The following TANC2 variants were observed in gnomAD, a reference collection of about 807,000 sequenced individuals.
TANC2 encodes the protein protein TANC2.
Under a neutral mutation model 210.5 loss-of-function variants are expected in TANC2, and 26 were observed. The ratio of observed to expected loss-of-function variants is 0.12; its 90% confidence interval spans 0.09 to 0.17. The LOEUF is 0.17. Ranked by LOEUF, TANC2 falls within the 10% of genes least tolerant of loss-of-function variation. The pLI is 1.00. For missense variants in TANC2, 2,129 were observed against 2,608.9 expected (o/e 0.82, Z 4.01); for synonymous variants, 931 against 967.1 (o/e 0.96, Z 0.69).
chr17:63,309,971 A>G (rs75687963), intron 9 of TANC2, among the ~76,000 whole-genome samples: 4 of 29,302 alleles, frequency 1.4e-4, no homozygotes, highest in African/African-American at 1.0e-3. Flanking sequence ...CCTTTGGGGG[A>G]AAAAAAAAAG....
At chr17:63,314,282 A>G in intron 9 of TANC2, 106 bp from the exon 10 acceptor site, 1 of 1,251,594 alleles carries the variant, frequency 8.0e-7, no homozygotes, top group Non-Finnish European at 1.1e-6. Context: ...CTAGGATGCC[A>G]TCATATGATA....
intron 1 of TANC2, among the ~76,000 whole-genome samples, chr17:63,002,501 A>T (rs1012262561): frequency 2.6e-5 from 4 of 152,200 alleles, no homozygotes; most frequent in African/African-American, 9.6e-5. Context: ...ATCTGCAGAC[A>T]TCTATATGCT....
chr17:63,420,046 G>A lies in TANC2; in HGVS notation c.4316G>A (p.Cys1439Tyr). 6.4e-7 allele frequency: 1 copy of A among 1,552,008 alleles called. No homozygotes were observed. The highest frequency in any genetic ancestry group is 8.7e-7 in the Non-Finnish European group (1 of 1,146,954). The change falls in exon 28 of 28, where the codon TGT becomes TAT. Residue 1439 changes from cysteine (C) to tyrosine (Y), a missense_variant. Transcript: ENST00000689528. This position sits in a 1 kb window ranked among gnomAD's most constrained non-coding sequence, Gnocchi z 4.2. The stretch of plus-strand genomic sequence containing the variant: ...GACCTGAACGAGGCCATCAAGCTGT[G>A]TCCCAACAACCGTGAGATCCAGAGA...
Position 63,378,384 on chromosome 17 carries a change from A to G in TANC2, c.2583-1334A>G, listed in dbSNP as rs182428620. On this transcript the variant is annotated intron_variant, in intron 14 of 27. Coordinates refer to ENST00000689528, the Ensembl canonical transcript of TANC2. ...CACTTAAAATAAGTGTATCATTAGG[A>G]TGCTTTGAGCTGGAAAAAAAAAACA... Among the ~76,000 whole-genome samples the G allele has an allele frequency of 5.3e-5, 8 of 152,220 alleles. No individual in the cohort carries two copies. In the South Asian group the frequency reaches 1.7e-3, roughly 32 times the overall value.
At position 63,169,740 on chromosome 17, in the gene TANC2, G is replaced by T. The variant is rs928063020; in HGVS notation, c.433+18360G>T. Among the ~76,000 whole-genome samples, 6 of 152,032 alleles carry T rather than the reference G, an allele frequency of 3.9e-5. No homozygotes were observed. In the East Asian group the frequency reaches 1.2e-3, roughly 29 times the overall value. ...GAGGCAGGAGAATCACTTGAACCCG[G>T]GAGGCGGAGATTACAGTGAGTCAAG... is the stretch of plus-strand genomic sequence containing the variant. On this transcript the variant is annotated intron_variant, in intron 5 of 27. Coordinates refer to ENST00000689528, the Ensembl canonical transcript of TANC2.
intron 2 of TANC2, among the ~76,000 whole-genome samples, chr17:63,064,504 A>T (rs994951470): frequency 5.3e-5 from 8 of 152,144 alleles, no homozygotes; most frequent in Non-Finnish European, 1.2e-4. Flanking sequence ...CAGTCATTTC[A>T]CTAGGAGACT....
chr17:63,201,760 T>G (rs2041542802), intron 7 of TANC2, among the ~76,000 whole-genome samples: 1 of 152,058 alleles, frequency 6.6e-6, no homozygotes, highest in African/African-American at 2.4e-5. Context: ...TGGGACATTA[T>G]GTAATTTATT....
chr17:63,417,049 A>C lies in TANC2; in HGVS notation c.4168-1258A>C, dbSNP rs142760730. Among the ~76,000 whole-genome samples, 440 of 152,354 alleles carry C rather than the reference A, an allele frequency of 2.9e-3. 1 individual carries two copies. The highest frequency in any genetic ancestry group is 0.01 in the African/African-American group (425 of 41,572). ...TTTTAGGAATAATGATGGTCCCAAAAGAACAAATAAAAGGGTAAGGCTGGA... is the reference window on the plus strand; with the variant it reads ...TTTTAGGAATAATGATGGTCCCAAACGAACAAATAAAAGGGTAAGGCTGGA... On this transcript the variant is annotated intron_variant, in intron 26 of 27. Transcript: ENST00000689528.
rs1372469337 is a variant in TANC2 at position 63,426,463 on chromosome 17, A to C, written c.*4508A>C. 2.0e-5 allele frequency: 3 copies of C among 152,204 alleles called. No individual in the cohort carries two copies. The East Asian group carries it at 5.8e-4, about 29-fold the overall frequency. The allele number at this position is 152,204 out of a possible 1,614,324, so 9.4% of individuals were successfully genotyped here. A position where few individuals can be genotyped will look rare whatever the true frequency, so the allele number is the denominator to read the frequency against. ...CTTGAATAATCACTGGGTTTTCATC[A>C]ACTCCTTTTGTCATACAGACCACTC... is the stretch of plus-strand genomic sequence containing the variant. On this transcript the variant is annotated 3_prime_UTR_variant, in exon 28 of 28. Coordinates refer to ENST00000689528, the Ensembl canonical transcript of TANC2.
intron 3 of TANC2, among the ~76,000 whole-genome samples, chr17:63,075,446 CATT>C (rs1315876844): frequency 1.3e-5 from 2 of 152,148 alleles, no homozygotes; most frequent in Non-Finnish European, 2.9e-5. Context: ...GGAATTGTAT[CATT>C]GTTAGAGTTA....
chr17:63,011,985 T>C (rs918372165), intron 2 of TANC2, among the ~76,000 whole-genome samples: 1 of 151,702 alleles, frequency 6.6e-6, no homozygotes, highest in African/African-American at 2.4e-5. Context: ...TCTTTCTTTT[T>C]CCTCTCTTCC....
intron 4 of TANC2, among the ~76,000 whole-genome samples, chr17:63,109,498 T>C (rs1042402061): frequency 2.0e-5 from 3 of 151,686 alleles, no homozygotes; most frequent in Admixed American, 2.0e-4. Context: ...CTTAAAATTA[T>C]GACTAGCCTG....
chr17:63,013,323 GCTT>G (rs1411093664), intron 2 of TANC2, among the ~76,000 whole-genome samples: 2 of 151,868 alleles, frequency 1.3e-5, no homozygotes, highest in East Asian at 3.9e-4. Context: ...TTGTCTTCTG[GCTT>G]CTTCCGTTTT....
chr17:63,058,336 C>T (rs2035878345), intron 2 of TANC2, among the ~76,000 whole-genome samples: 1 of 152,032 alleles, frequency 6.6e-6, no homozygotes, highest in Non-Finnish European at 1.5e-5. Context: ...TTGTCAGATG[C>T]ATAGTTTGCA....
chr17:63,376,013 G>C (rs553925511), intron 14 of TANC2, among the ~76,000 whole-genome samples: 1 of 151,014 alleles, frequency 6.6e-6, no homozygotes, highest in African/African-American at 2.4e-5. Flanking sequence ...CTTGAACGTG[G>C]GAAGTGGAGG....
chr17:63,274,059 T>G (rs1276621472), intron 9 of TANC2, among the ~76,000 whole-genome samples: 1 of 152,216 alleles, frequency 6.6e-6, no homozygotes, highest in Non-Finnish European at 1.5e-5. Flanking sequence ...TGAACATGAT[T>G]TAACAATACA....
intron 2 of TANC2, among the ~76,000 whole-genome samples, chr17:63,028,132 T>C (rs374658244): frequency 6.6e-5 from 10 of 152,138 alleles, no homozygotes; most frequent in African/African-American, 2.4e-4. Context: ...GAAAATAAGC[T>C]GGTCATGTCT....
chr17:63,406,657 C>G (rs2048517449), intron 21 of TANC2, among the ~76,000 whole-genome samples: 1 of 152,168 alleles, frequency 6.6e-6, no homozygotes, highest in Non-Finnish European at 1.5e-5. Context: ...GAGGCAAATG[C>G]CAGTGAAGAT....
At chr17:63,352,804 C>T (rs2046655483) in intron 13 of TANC2, among the ~76,000 whole-genome samples, 1 of 151,788 alleles carries the variant, frequency 6.6e-6, no homozygotes, top group Non-Finnish European at 1.5e-5. Flanking sequence ...ATTATTTCCA[C>T]AAACATTTCT....
Sources: allele counts gnomAD v4.1 joint callset (sites outside exome capture counted in the v4.1 genomes callset), GRCh38; gene constraint gnomAD v4.1.1; non-coding constraint Gnocchi (gnomAD v3.1); transcripts MANE v1.5; gene names NCBI Gene and HGNC (gene_info 2026-07-23, HGNC 2026-07-21).